The following LARP4B variants were observed in gnomAD, a reference collection of about 807,000 sequenced individuals.
LARP4B encodes La ribonucleoprotein 4B.
Under a neutral mutation model 89.8 loss-of-function variants are expected in LARP4B, and 12 were observed. The ratio of observed to expected loss-of-function variants is 0.13; its 90% CI spans 0.09 to 0.22. The LOEUF is 0.22. LARP4B is among the 10% of genes least tolerant of loss of function. LARP4B has a pLI of 1.00. For synonymous variants in LARP4B, 367 were observed against 363.3 expected, an observed-to-expected ratio of 1.01 and a Z score of -0.12; for missense variants, 757 against 947.7, an observed-to-expected ratio of 0.80 and a Z score of 2.64.
chr10:981,603 C>A, the LARP4B span, among the ~76,000 whole-genome samples: 1 of 152,180 alleles, frequency 6.6e-6, no homozygotes, highest in African/African-American at 2.4e-5. Flanking sequence ...TGGAGTCTCA[C>A]TCTGTCGCCC....
the LARP4B span, among the ~76,000 whole-genome samples, chr10:949,966 A>T: frequency 6.6e-6 from 1 of 152,026 alleles, no homozygotes; most frequent in African/African-American, 2.4e-5. Context: ...TGTATAGTTG[A>T]GGTTTTGCCA....
In LARP4B at chr10:811,384, G is replaced by C. The variant is rs1337127376; in HGVS notation, c.*1542C>G. 1 of 152,604 alleles carries C rather than the reference G, an allele frequency of 6.6e-6. No individual in the cohort carries two copies. The highest frequency in any genetic ancestry group is 2.4e-5 in the African/African-American group (1 of 41,438). 9.5% of individuals were successfully genotyped at this position (152,604 alleles called of 1,614,324 possible). Reference sequence around the variant, plus strand: ...AAGTGCACGTATTTAATACAGTATTGACTATTTGCATTTACAGGATTTTCC... The same window carrying C: ...AAGTGCACGTATTTAATACAGTATTCACTATTTGCATTTACAGGATTTTCC... On this transcript the variant is annotated 3_prime_UTR_variant, in exon 18 of 18. Transcript: ENST00000316157.
intron 8 of LARP4B, among the ~76,000 whole-genome samples, chr10:834,875 G>T (rs1833111675): frequency 1.3e-5 from 2 of 151,940 alleles, no homozygotes; most frequent in South Asian, 4.2e-4. Flanking sequence ...CCTCGGCCGG[G>T]CGCGGTGGCT....
intron 3 of LARP4B, among the ~76,000 whole-genome samples, chr10:877,556 C>G (rs992121036): frequency 2.0e-5 from 3 of 152,190 alleles, no homozygotes; most frequent in African/African-American, 7.2e-5. Context: ...GGTTCTACCA[C>G]TTTTTAGTCC....
At chr10:934,321 G>A (rs1830720517), upstream of LARP4B, among the ~76,000 whole-genome samples, 1 of 151,692 alleles carries the variant, frequency 6.6e-6, no homozygotes, top group Non-Finnish European at 1.5e-5. Context: ...ATATGTCAAA[G>A]CCCCATTTCT....
intron 1 of LARP4B, among the ~76,000 whole-genome samples, chr10:912,784 G>C (rs1836706787): frequency 6.6e-6 from 1 of 151,888 alleles, no homozygotes. Flanking sequence ...CAGCTACTCG[G>C]GAGGCATCAC....
chr10:980,699 G>T, the LARP4B span, among the ~76,000 whole-genome samples: 3 of 152,336 alleles, frequency 2.0e-5, no homozygotes, highest in Admixed American at 2.0e-4. Context: ...GGCCTGACCC[G>T]TGAAACCATT....
At chr10:919,778 G>A (rs560888312) in intron 1 of LARP4B, among the ~76,000 whole-genome samples, 2 of 152,198 alleles carry the variant, frequency 1.3e-5, no homozygotes, top group South Asian at 2.1e-4. Flanking sequence ...TGTTAACAGC[G>A]TGGACGTTAA....
intron 1 of LARP4B, among the ~76,000 whole-genome samples, chr10:887,959 G>A (rs1835911178): frequency 6.6e-6 from 1 of 151,064 alleles, no homozygotes; most frequent in South Asian, 2.1e-4. Context: ...AGGAGGTGGA[G>A]GTTGCAGTTA....
At chr10:883,083 T>A (rs749088091) in intron 3 of LARP4B, among the ~76,000 whole-genome samples, 17 of 152,222 alleles carry the variant, frequency 1.1e-4, no homozygotes, top group Non-Finnish European at 2.4e-4. Context: ...GGACTGAAAG[T>A]CAACCACGGA....
chr10:967,363 C>G, the LARP4B span, among the ~76,000 whole-genome samples: 1 of 152,180 alleles, frequency 6.6e-6, no homozygotes, highest in African/African-American at 2.4e-5. Flanking sequence ...TGAAAGGAAA[C>G]AAAAGCTTGT....
chr10:855,762 A>G (rs1834268923), intron 5 of LARP4B, among the ~76,000 whole-genome samples: 1 of 152,242 alleles, frequency 6.6e-6, no homozygotes, highest in South Asian at 2.1e-4. Flanking sequence ...GGGTTGCCAC[A>G]AAACTTCAAT....
At position 812,774 on chromosome 10, in the gene LARP4B, G is replaced by A; in HGVS notation, c.*152C>T. The A allele has an allele frequency of 3.6e-6, 2 of 548,686 alleles. No individual in the cohort carries two copies. Among genetic ancestry groups the A allele is most frequent in the East Asian group, 3.3e-5 (1 of 30,710 alleles). The allele number at this position is 548,686 out of a possible 1,614,324, so 34.0% of individuals were successfully genotyped here. ...AATCGATTTTTTTTCAAGAGGGGGA[G>A]AATCCAACTCACAGAAGAAAACCAA... is the stretch of plus-strand genomic sequence containing the variant. On this transcript the variant is annotated 3_prime_UTR_variant, in exon 18 of 18. Coordinates refer to ENST00000316157, the MANE Select transcript of LARP4B (RefSeq NM_015155.3).
chr10:835,819 G>A (rs974951618), intron 8 of LARP4B, among the ~76,000 whole-genome samples: 8 of 152,040 alleles, frequency 5.3e-5, no homozygotes, highest in African/African-American at 1.7e-4. Context: ...TGTAATCCCA[G>A]CTACTCGGGA....
intron 1 of LARP4B, among the ~76,000 whole-genome samples, chr10:922,712 T>C (rs1041799483): frequency 7.1e-6 from 1 of 140,408 alleles, no homozygotes; most frequent in Non-Finnish European, 1.6e-5. Flanking sequence ...AATAAATAAA[T>C]AAATAACAAG....
intron 3 of LARP4B, among the ~76,000 whole-genome samples, chr10:868,194 C>T (rs1473553768): frequency 2.0e-5 from 3 of 151,798 alleles, no homozygotes; most frequent in Non-Finnish European, 2.9e-5. Context: ...GGGGACTGGC[C>T]GGTGAGGTAC....
chr10:899,262 T>C (rs1397861284), intron 1 of LARP4B, among the ~76,000 whole-genome samples: 1 of 152,228 alleles, frequency 6.6e-6, no homozygotes, highest in Non-Finnish European at 1.5e-5. Context: ...ATATTGATGA[T>C]TTTTGCATTA....
intron 1 of LARP4B, among the ~76,000 whole-genome samples, chr10:907,593 A>G (rs1006686605): frequency 1.3e-5 from 2 of 152,232 alleles, no homozygotes; most frequent in Non-Finnish European, 2.9e-5. Context: ...GCAAACACAT[A>G]CTGAAACAAT....
rs1177966092 is a variant in LARP4B at position 820,988 on chromosome 10, TA to T, written c.1485-144del. Reference sequence around the variant, plus strand: ...ACCTTTCAAAGATGACTTTCAATTCTAAAATCCCAACTTCAGGAAGCGTAAG... The same window carrying T: ...ACCTTTCAAAGATGACTTTCAATTCTAAATCCCAACTTCAGGAAGCGTAAG... On this transcript the variant is annotated intron_variant, in intron 13 of 17. Coordinates refer to ENST00000316157, the MANE Select transcript of LARP4B (RefSeq NM_015155.3). The T allele has an allele frequency of 7.1e-6, 5 of 706,232 alleles. No individual in the cohort carries two copies. In the East Asian group the frequency reaches 1.4e-4, roughly 19 times the overall value. The allele number at this position is 706,232 out of a possible 1,614,324, so 43.7% of individuals were successfully genotyped here.
Sources: allele counts gnomAD v4.1 joint callset (sites outside exome capture counted in the v4.1 genomes callset), GRCh38; gene constraint gnomAD v4.1.1; transcripts MANE v1.5; gene names NCBI Gene and HGNC (gene_info 2026-07-23, HGNC 2026-07-21).